RFFL: variants seen among roughly 807,000 people sequenced by gnomAD.
The protein encoded by RFFL is E3 ubiquitin-protein ligase rififylin.
A neutral mutation model predicts 40.4 loss-of-function variants in RFFL; 16 were observed. The observed-to-expected ratio is 0.40, with a 90% CI of 0.27 to 0.60. The LOEUF is 0.60. Ranked by LOEUF, RFFL falls within the 20% of genes least tolerant of loss-of-function variation. RFFL has a pLI of 0.47. For missense variants in RFFL, 367 were observed against 451.7 expected (o/e 0.81, Z 1.70); for synonymous variants, 154 against 167.9 (o/e 0.92, Z 0.64).
intron 3 of RFFL, 97 bp downstream of exon 3, chr17:35,021,274 G>A: frequency 1.6e-6 from 2 of 1,242,004 alleles, no homozygotes; most frequent in Non-Finnish European, 2.2e-6. Flanking sequence ...AAGACACTTA[G>A]CCTTATACCC....
chr17:35,038,481 C>T (rs1486375864), intron 1 of RFFL, among the ~76,000 whole-genome samples: 1 of 152,120 alleles, frequency 6.6e-6, no homozygotes, highest in Non-Finnish European at 1.5e-5. Flanking sequence ...TTCACCCAAA[C>T]AGTATACAGG....
chr17:35,082,622 A>G (rs1450113987), intron 1 of RFFL, among the ~76,000 whole-genome samples: 2 of 152,240 alleles, frequency 1.3e-5, no homozygotes, highest in Admixed American at 6.5e-5. Context: ...ATTCCTGGAA[A>G]GAGATATAGA....
At chr17:35,039,451 G>A (rs572436318) in intron 1 of RFFL, among the ~76,000 whole-genome samples, 4 of 151,396 alleles carry the variant, frequency 2.6e-5, no homozygotes, top group Admixed American at 1.3e-4. Context: ...ATCTCCTAAC[G>A]TCATGATCCG....
intron 1 of RFFL, among the ~76,000 whole-genome samples, chr17:35,032,018 C>A (rs2091087107): frequency 6.6e-6 from 1 of 151,314 alleles, no homozygotes; most frequent in Non-Finnish European, 1.5e-5. Context: ...TGGCGTGAAC[C>A]CAGGAGGCGG....
intron 4 of RFFL, 73 bp from the exon 5 acceptor site, chr17:35,016,653 C>T: frequency 1.7e-6 from 2 of 1,203,338 alleles, no homozygotes; most frequent in African/African-American, 1.5e-5. Flanking sequence ...GACCCCAAAG[C>T]AGTCACCACA....
intron 1 of RFFL, among the ~76,000 whole-genome samples, chr17:35,037,234 T>G (rs2091129051): frequency 6.6e-6 from 1 of 152,226 alleles, no homozygotes; most frequent in African/African-American, 2.4e-5. Flanking sequence ...TACAGAATCA[T>G]GTCCAGTTTA....
At chr17:35,066,871 CTT>C (rs75349195), upstream of RFFL, among the ~76,000 whole-genome samples, 18 of 142,916 alleles carry the variant, frequency 1.3e-4, no homozygotes, top group Non-Finnish European at 1.2e-4. Flanking sequence ...ACCTCACAGC[CTT>C]TTTTTTTTTT....
intron 1 of RFFL, among the ~76,000 whole-genome samples, chr17:35,053,577 A>C (rs2091243220): frequency 6.6e-6 from 1 of 152,206 alleles, no homozygotes; most frequent in Admixed American, 6.5e-5. Flanking sequence ...TCAGTTCAGC[A>C]TCTTATCAGC....
chr17:35,040,046 A>C (rs2091153827), intron 1 of RFFL, among the ~76,000 whole-genome samples: 1 of 152,032 alleles, frequency 6.6e-6, no homozygotes. Context: ...CACCATTCCT[A>C]ATCTCTTCAA....
chr17:35,055,492 G>A (rs2091255145), intron 1 of RFFL, among the ~76,000 whole-genome samples: 4 of 151,876 alleles, frequency 2.6e-5, no homozygotes, highest in Admixed American at 2.6e-4. Flanking sequence ...GGCCAAAACG[G>A]TGAAAACCCA....
At position 35,011,838 on chromosome 17, in the gene RFFL, T is replaced by G. The variant is rs1262302777; in HGVS notation, c.*130A>C. On this transcript the variant is annotated 3_prime_UTR_variant, in exon 7 of 7. Coordinates refer to ENST00000394597, the MANE Select transcript of RFFL (RefSeq NM_001017368.2). ...AGGCATGCTCAGGGGTGACATGGCA[T>G]CTTGCTTGACCTGGTTTTGGGAACC... 3.5e-6 allele frequency: 3 copies of G among 863,978 alleles called. No individual in the cohort carries two copies. In the Admixed American group the frequency reaches 6.9e-5, roughly 20 times the overall value. The allele number at this position is 863,978 out of a possible 1,614,324, so 53.5% of individuals were successfully genotyped here.
upstream of RFFL, among the ~76,000 whole-genome samples, chr17:35,066,695 G>C (rs573219472): frequency 1.3e-5 from 2 of 152,112 alleles, no homozygotes; most frequent in East Asian, 3.9e-4. Context: ...CATCCTAAAT[G>C]ATACTGCACA....
At chr17:35,081,425 T>G (rs770691590) in intron 1 of RFFL, among the ~76,000 whole-genome samples, 5 of 152,228 alleles carry the variant, frequency 3.3e-5, no homozygotes, top group Admixed American at 1.3e-4. Flanking sequence ...CTAAAAAGAA[T>G]AGAACGATTT....
In RFFL at chr17:35,017,534, C is replaced by A; in HGVS notation, c.664G>T (p.Asp222Tyr). 6.2e-7 allele frequency: 1 copy of A among 1,609,550 alleles called. No individual in the cohort carries two copies. The highest frequency in any genetic ancestry group is 1.1e-5 in the South Asian group (1 of 90,098). The change falls in exon 4 of 7, where the codon GAT becomes TAT. Residue 222 changes from aspartate to tyrosine, a missense_variant. Coordinates refer to ENST00000394597, the MANE Select transcript of RFFL (RefSeq NM_001017368.2). ...AGCAGAGGCCCCACCTGGGTCTCAT[C>A]CTCAGCAGGTACTCTGGCCACGCTC... ...LESVARVPAE[D>Y]ETQSIDSEDS...
chr17:35,014,886 AG>A, intron 5 of RFFL, 123 bp from the exon 6 acceptor site: 1 of 912,166 alleles, frequency 1.1e-6, no homozygotes, highest in Non-Finnish European at 1.8e-6. Flanking sequence ...GCTTGCCAAG[AG>A]CCTAGATGGA....
chr17:35,025,750 G>C (rs921801784), intron 2 of RFFL, among the ~76,000 whole-genome samples: 2 of 152,216 alleles, frequency 1.3e-5, no homozygotes, highest in Non-Finnish European at 2.9e-5. Context: ...GCCTCTGGAA[G>C]AGGGAGGGTG....
chr17:35,086,430 T>C (rs2091429875), intron 1 of RFFL, among the ~76,000 whole-genome samples: 2 of 150,080 alleles, frequency 1.3e-5, no homozygotes, highest in African/African-American at 4.9e-5. Context: ...CGAGCTGAAA[T>C]CATTCCATGG....
At chr17:35,044,892 G>A (rs1474020597) in intron 1 of RFFL, among the ~76,000 whole-genome samples, 7 of 140,690 alleles carry the variant, frequency 5.0e-5, no homozygotes, top group African/African-American at 1.9e-4. Context: ...TTTTTTTTGA[G>A]ACAGGGTCTC....
chr17:35,021,627 T>C lies in RFFL; in HGVS notation c.335A>G (p.Tyr112Cys). The stretch of plus-strand genomic sequence containing the variant: ...GGTAGAGATGTCATGGAGGCTGAGA[T>C]AGTCCCTCAAGTCCTTCACCTTCAT... Reference protein sequence around the residue: ...MKMKVKDLRDYLSLHDISTEM... With the variant: ...MKMKVKDLRDCLSLHDISTEM... Residue 112 changes from tyrosine to cysteine, a missense_variant, in exon 3 of 7, where the codon TAT becomes TGT. Coordinates refer to ENST00000394597, the MANE Select transcript of RFFL (RefSeq NM_001017368.2). The C allele has an allele frequency of 6.2e-7, 1 of 1,614,248 alleles. No homozygotes were observed. Among genetic ancestry groups the C allele is most frequent in the Non-Finnish European group, 8.5e-7 (1 of 1,180,042 alleles).
Sources: gnomAD v4.1 joint callset for allele counts (sites outside exome capture counted in the v4.1 genomes callset) on GRCh38, gnomAD v4.1.1 for gene constraint, MANE v1.5 for transcripts, NCBI Gene and HGNC (gene_info 2026-07-23, HGNC 2026-07-21) for gene names.